Variants in RAB38 observed in about 807,000 individuals in gnomAD.
The protein encoded by RAB38 is ras-related protein Rab-38.
RAB38 carries 15 observed loss-of-function variants against 18.4 expected under a neutral mutation model. The ratio of observed to expected loss-of-function variants is 0.82; its 90% CI spans 0.55 to 1.26. The LOEUF (loss-of-function observed/expected upper bound fraction) is 1.26. Among genes scored for constraint, RAB38 ranks in the 50% most tolerant of loss-of-function variants. The pLI is 0.00. For missense variants in RAB38, 294 were observed against 267.4 expected (o/e 1.10, Z -0.69); for synonymous variants, 101 against 104.4 (o/e 0.97, Z 0.20).
chr11:88,159,199 C>CAATAAATAAATA (rs58379713), intron 1 of RAB38, among the ~76,000 whole-genome samples: 10,412 of 142,152 alleles, frequency 0.073, 423 homozygotes, highest in African/African-American at 0.1. Context: ...ACAATAGCAG[C>CAATAAATAAATA]AATAAATAAA....
At chr11:87,920,529 T>A in the RAB38 span, among the ~76,000 whole-genome samples, 1 of 152,100 alleles carries the variant, frequency 6.6e-6, no homozygotes, top group African/African-American at 2.4e-5. Context: ...TCTTCTTCAA[T>A]TTGTTAGGGC....
chr11:88,131,681 T>C (rs1942769480), intron 2 of RAB38, among the ~76,000 whole-genome samples: 1 of 152,218 alleles, frequency 6.6e-6, no homozygotes, highest in South Asian at 2.1e-4. Context: ...CTTTCCAGGA[T>C]ACTTAATCCT....
At chr11:88,159,779 CAGA>C (rs1943168422) in intron 1 of RAB38, among the ~76,000 whole-genome samples, 1 of 151,900 alleles carries the variant, frequency 6.6e-6, no homozygotes, top group African/African-American at 2.4e-5. Context: ...TAGCCATATG[CAGA>C]AGAATGATAC....
the RAB38 span, among the ~76,000 whole-genome samples, chr11:87,933,226 GCTTTATAA>G: frequency 6.6e-6 from 1 of 152,078 alleles, no homozygotes; most frequent in Non-Finnish European, 1.5e-5. Flanking sequence ...CTACAACATG[GCTTTATAA>G]CAGAAATAAC....
intron 1 of RAB38, among the ~76,000 whole-genome samples, chr11:88,164,259 T>TGGGGGGGGGGGGGGGGGGGGG (rs749101503): frequency 9.7e-6 from 1 of 103,232 alleles, no homozygotes; most frequent in African/African-American, 3.5e-5. Flanking sequence ...GTGCTCTCGG[T>TGGGGGGGGGGGGGGGGGGGGG]GGGGGGGGGT....
At chr11:88,045,978 C>G in the RAB38 span, among the ~76,000 whole-genome samples, 2 of 152,090 alleles carry the variant, frequency 1.3e-5, no homozygotes, top group African/African-American at 4.8e-5. Context: ...ATCTGCTTCC[C>G]TGATTATTCC....
chr11:87,945,684 A>C, the RAB38 span, among the ~76,000 whole-genome samples: 1 of 152,194 alleles, frequency 6.6e-6, no homozygotes, highest in Non-Finnish European at 1.5e-5. Flanking sequence ...ATCAACCAGC[A>C]TAAGCTGATC....
At chr11:87,842,032 G>A in the RAB38 span, among the ~76,000 whole-genome samples, 1 of 152,112 alleles carries the variant, frequency 6.6e-6, no homozygotes, top group African/African-American at 2.4e-5. Flanking sequence ...CACAGAAAGG[G>A]AAGGGTGTAA....
the RAB38 span, among the ~76,000 whole-genome samples, chr11:87,870,334 C>T: frequency 3.4e-4 from 51 of 151,620 alleles, no homozygotes; most frequent in East Asian, 9.2e-3. Flanking sequence ...TGTGACTCAT[C>T]GTGAAAATGG....
chr11:87,962,863 A>C, the RAB38 span, among the ~76,000 whole-genome samples: 4 of 152,336 alleles, frequency 2.6e-5, no homozygotes. Flanking sequence ...AACTAGCTTG[A>C]TTTAAACATT....
the RAB38 span, among the ~76,000 whole-genome samples, chr11:87,919,020 A>T: frequency 1.3e-5 from 2 of 151,808 alleles, no homozygotes. Flanking sequence ...GTCTTTAATC[A>T]ATTTTGATTT....
the RAB38 span, among the ~76,000 whole-genome samples, chr11:87,808,719 A>G: frequency 6.6e-6 from 1 of 152,210 alleles, no homozygotes; most frequent in South Asian, 2.1e-4. Context: ...CCATAATACA[A>G]TGTAATGTAT....
At chr11:87,972,522 GT>G in the RAB38 span, among the ~76,000 whole-genome samples, 96,244 of 151,542 alleles carry the variant, frequency 0.64, 30,767 homozygotes, top group East Asian at 0.75. Context: ...AGCAGTTCTT[GT>G]TTTTTTTCCA....
chr11:87,815,511 A>G, the RAB38 span: 1 of 152,086 alleles, frequency 6.6e-6, no homozygotes, highest in African/African-American at 2.4e-5. Flanking sequence ...GTGGAAAGTG[A>G]TTTTGTCCGA....
At chr11:88,064,604 G>A in the RAB38 span, among the ~76,000 whole-genome samples, 1 of 152,184 alleles carries the variant, frequency 6.6e-6, no homozygotes, top group Non-Finnish European at 1.5e-5. Context: ...AAGCCACTGA[G>A]ATTTAAAGGT....
chr11:88,053,096 A>T, the RAB38 span, among the ~76,000 whole-genome samples: 3,518 of 38,262 alleles, frequency 0.092, 2 homozygotes, highest in South Asian at 0.13. Flanking sequence ...AATATATATT[A>T]TATATATACA....
At chr11:88,062,262 G>A in the RAB38 span, among the ~76,000 whole-genome samples, 3,733 of 151,960 alleles carry the variant, frequency 0.025, 157 homozygotes, top group African/African-American at 0.084. Context: ...AGTTCTCACC[G>A]AGATCCGATG....
chr11:87,952,984 A>C, the RAB38 span, among the ~76,000 whole-genome samples: 2 of 151,892 alleles, frequency 1.3e-5, no homozygotes, highest in Non-Finnish European at 2.9e-5. Flanking sequence ...TTTAAACATA[A>C]AACATTTAAA....
chr11:88,030,975 C>T, the RAB38 span, among the ~76,000 whole-genome samples: 3 of 150,744 alleles, frequency 2.0e-5, no homozygotes, highest in African/African-American at 4.9e-5. Context: ...TGCAAAAATC[C>T]TCAATAAAAT....
Sources: gnomAD v4.1 joint callset for allele counts (sites outside exome capture counted in the v4.1 genomes callset) on GRCh38, gnomAD v4.1.1 for gene constraint, MANE v1.5 for transcripts, NCBI Gene and HGNC (gene_info 2026-07-23, HGNC 2026-07-21) for gene names.